GABRG3: variants seen among roughly 807,000 people sequenced by gnomAD.
The protein encoded by GABRG3 is gamma-aminobutyric acid receptor subunit gamma-3.
Under a neutral mutation model 48.8 loss-of-function variants are expected in GABRG3, and 25 were observed. That is an observed-to-expected ratio of 0.51 (90% confidence interval 0.37 to 0.72). GABRG3 has a LOEUF of 0.72. Ranked by LOEUF, GABRG3 falls within the 30% of genes least tolerant of loss-of-function variation. GABRG3 has a pLI of 0.00. For missense variants in GABRG3, 394 were observed against 577.9 expected (o/e 0.68, Z 3.26); for synonymous variants, 227 against 217.6 (o/e 1.04, Z -0.38).
chr15:27,122,675 G>A (rs572851473), intron 3 of GABRG3, among the ~76,000 whole-genome samples: 4 of 152,338 alleles, frequency 2.6e-5, no homozygotes, highest in Non-Finnish European at 4.4e-5. Flanking sequence ...TGCACTGCTC[G>A]CAAGGCTGGG....
chr15:27,242,337 G>A (rs1653179558), intron 3 of GABRG3, among the ~76,000 whole-genome samples: 1 of 152,158 alleles, frequency 6.6e-6, no homozygotes, highest in South Asian at 2.1e-4. Flanking sequence ...TCTCTACCAT[G>A]CTGTGACATT....
chr15:27,076,317 T>C (rs945850413), intron 3 of GABRG3, among the ~76,000 whole-genome samples: 2 of 140,390 alleles, frequency 1.4e-5, no homozygotes, highest in African/African-American at 5.4e-5. Context: ...GAGCCAACTG[T>C]CTTTTTTTTT....
chr15:27,001,031 T>A (rs1895437090), intron 2 of GABRG3, among the ~76,000 whole-genome samples: 1 of 152,172 alleles, frequency 6.6e-6, no homozygotes, highest in Non-Finnish European at 1.5e-5. Flanking sequence ...ATGCACTGGT[T>A]ACCCAAGCGA....
At chr15:27,365,230 A>G (rs1895151553) in intron 5 of GABRG3, 1 of 147,932 alleles carries the variant, frequency 6.8e-6, no homozygotes, top group South Asian at 2.2e-4. Flanking sequence ...ACTACTAAGC[A>G]TTCTATAGAC....
In GABRG3 at chr15:27,194,815, CA is replaced by C. The variant is rs146559284; in HGVS notation, c.271-131993del. Among the ~76,000 whole-genome samples the C allele has an allele frequency of 4.4e-3, 669 of 152,204 alleles. 8 individuals carry two copies. Among genetic ancestry groups the C allele is most frequent in the African/African-American group, 0.015 (633 of 41,532 alleles). The stretch of plus-strand genomic sequence containing the variant: ...TCTCCAAGTTTCAGAAGTTTTCAGC[CA>C]TTATTTCTTGCAATACTTCCAATAG... On this transcript the variant is annotated intron_variant, in intron 3 of 9. Coordinates refer to ENST00000615808, the MANE Select transcript of GABRG3 (RefSeq NM_033223.5).
intron 3 of GABRG3, among the ~76,000 whole-genome samples, chr15:27,190,238 C>T (rs540030539): frequency 1.3e-5 from 2 of 152,312 alleles, no homozygotes; most frequent in South Asian, 4.1e-4. Flanking sequence ...ATGCTGGCTT[C>T]ATCAAATGAG....
chr15:27,167,896 G>A (rs1197594331), intron 3 of GABRG3, among the ~76,000 whole-genome samples: 1 of 152,238 alleles, frequency 6.6e-6, no homozygotes, highest in Non-Finnish European at 1.5e-5. Context: ...CTGTTACCCT[G>A]CACAGTGTGC....
chr15:27,276,085 G>A (rs1345768700), intron 3 of GABRG3, among the ~76,000 whole-genome samples: 2 of 152,200 alleles, frequency 1.3e-5, no homozygotes, highest in African/African-American at 4.8e-5. Context: ...TGTTCATTCA[G>A]AGTTGCTTTA....
At position 27,026,301 on chromosome 15, in the gene GABRG3, G is replaced by A. The variant is rs143635623; in HGVS notation, c.203-453G>A. Among the ~76,000 whole-genome samples, 1,216 of 152,304 alleles carry A rather than the reference G, an allele frequency of 8.0e-3. 12 individuals are homozygous for A. The highest frequency in any genetic ancestry group is 0.028 in the African/African-American group (1,148 of 41,562). On this transcript the variant is annotated intron_variant, in intron 2 of 9. Transcript: ENST00000615808. ...TGAGTTGCTTTGCTTTGGAAGGATAGCTTGACAGCTATGTGGTGGACACAT... is the reference window on the plus strand; with the variant it reads ...TGAGTTGCTTTGCTTTGGAAGGATAACTTGACAGCTATGTGGTGGACACAT...
At chr15:27,145,243 TC>T (rs1898177319) in intron 3 of GABRG3, among the ~76,000 whole-genome samples, 2 of 151,882 alleles carry the variant, frequency 1.3e-5, no homozygotes, top group Middle Eastern at 3.2e-3. Flanking sequence ...GGACTTTAAA[TC>T]AGCTACCTTA....
chr15:27,172,327 C>T (rs1434097938), intron 3 of GABRG3, among the ~76,000 whole-genome samples: 1 of 152,062 alleles, frequency 6.6e-6, no homozygotes, highest in Non-Finnish European at 1.5e-5. Flanking sequence ...TTGGAAGGCT[C>T]CTTAGTTCTT....
chr15:27,422,163 C>G (rs1888140341), intron 5 of GABRG3, among the ~76,000 whole-genome samples: 2 of 151,666 alleles, frequency 1.3e-5, no homozygotes, highest in Non-Finnish European at 2.9e-5. Flanking sequence ...GGGGAGTGGG[C>G]TGCATATCCA....
rs970390347 is a variant in GABRG3, at chr15:27,352,130, TGTG to T, written c.574+23243_574+23245del. 9.3e-5 allele frequency among the ~76,000 whole-genome samples: 14 copies of T among 151,000 alleles called. No homozygotes were observed. Among genetic ancestry groups the T allele is most frequent in the Non-Finnish European group, 1.6e-4 (11 of 67,780 alleles). ...ATGTATGGTGTGTGTGTATGTATGATGTGTGTATTGTGTGTTTGTGTATGGTGT... is the reference window on the plus strand; with the variant it reads ...ATGTATGGTGTGTGTGTATGTATGATTGTATTGTGTGTTTGTGTATGGTGT... On this transcript the variant is annotated intron_variant, in intron 5 of 9. Transcript: ENST00000615808. This position sits in a 1 kb window ranked among gnomAD's most constrained non-coding sequence, Gnocchi z 4.0.
chr15:27,063,487 T>C (rs1382165242), intron 3 of GABRG3, among the ~76,000 whole-genome samples: 2 of 152,198 alleles, frequency 1.3e-5, no homozygotes, highest in Non-Finnish European at 2.9e-5. Flanking sequence ...GCACCAGATC[T>C]GGTTGTTTAA....
chr15:27,225,464 T>A (rs1889582552), intron 3 of GABRG3, among the ~76,000 whole-genome samples: 1 of 152,142 alleles, frequency 6.6e-6, no homozygotes, highest in Admixed American at 6.5e-5. Flanking sequence ...TCTGACGATT[T>A]TACTTATAAA....
chr15:27,224,254 GA>G (rs1197520751), intron 3 of GABRG3, among the ~76,000 whole-genome samples: 1 of 152,196 alleles, frequency 6.6e-6, no homozygotes, highest in Non-Finnish European at 1.5e-5. Context: ...TTTTTCAAAG[GA>G]AAAGATCATG....
At chr15:27,223,683 G>A (rs905174315) in intron 3 of GABRG3, among the ~76,000 whole-genome samples, 1 of 151,998 alleles carries the variant, frequency 6.6e-6, no homozygotes, top group African/African-American at 2.4e-5. Flanking sequence ...CTGGACAGAC[G>A]GATGGGTATG....
chr15:27,108,517 T>C (rs963096372), intron 3 of GABRG3, among the ~76,000 whole-genome samples: 1 of 152,204 alleles, frequency 6.6e-6, no homozygotes, highest in Admixed American at 6.5e-5. Flanking sequence ...TGCTGCTCAA[T>C]GTTGCATGAG....
chr15:27,020,824 G>T (rs17738834), intron 2 of GABRG3, among the ~76,000 whole-genome samples: 6,597 of 152,174 alleles, frequency 0.043, 188 homozygotes, highest in East Asian at 0.16. Context: ...TATAATTTTT[G>T]TTGTAACAGA....
Sources: gnomAD v4.1 joint callset for allele counts (sites outside exome capture counted in the v4.1 genomes callset) on GRCh38, gnomAD v4.1.1 for gene constraint, Gnocchi (gnomAD v3.1) non-coding constraint, MANE v1.5 for transcripts, NCBI Gene and HGNC (gene_info 2026-07-23, HGNC 2026-07-21) for gene names.